Variants in ESRRA observed in about 807,000 individuals in gnomAD.
ESRRA encodes estrogen related receptor alpha.
ESRRA carries 7 observed loss-of-function variants against 35.6 expected under a neutral mutation model. That is an observed-to-expected ratio of 0.20 (90% CI 0.11 to 0.37). The LOEUF (loss-of-function observed/expected upper bound fraction) is 0.37. ESRRA is among the 10% of genes least tolerant of loss of function. The pLI is 1.00. For missense variants in ESRRA, 378 were observed against 561.7 expected (o/e 0.67, Z 3.31); for synonymous variants, 223 against 246.9 (o/e 0.90, Z 0.91).
rs1431361886 is a variant in ESRRA at position 64,314,333 on chromosome 11, G to A, written c.537G>A (p.Gly179=). 3 of 1,600,594 alleles carry A rather than the reference G, an allele frequency of 1.9e-6. No individual in the cohort carries two copies. The highest frequency in any genetic ancestry group is 2.6e-6 in the Non-Finnish European group (3 of 1,173,932). ...PLPFPGPFPA[G]PLAVAGGPRK... is the part of the protein sequence containing the mutation. ...CCTTCCCGGGCCCCTTCCCTGCTGG[G>A]CCCCTGGCAGTCGCTGGAGGCCCCC... is the stretch of plus-strand genomic sequence containing the variant. Residue 179 remains glycine (G), a synonymous_variant, in exon 4 of 7, where the codon GGG becomes GGA. Coordinates refer to ENST00000000442, the MANE Select transcript of ESRRA (RefSeq NM_004451.5).
chr11:64,315,977 G>T lies in ESRRA; in HGVS notation c.*11G>T. ...GCCATGATGGACTGAGGCAAGGGGT[G>T]GGACTGGTGGGGGTTCTGGCAGGAC... On this transcript the variant is annotated 3_prime_UTR_variant, in exon 7 of 7. Transcript: ENST00000000442. 1 of 1,549,198 alleles carries T rather than the reference G, an allele frequency of 6.5e-7. No individual in the cohort carries two copies. The highest frequency in any genetic ancestry group is 8.7e-7 in the Non-Finnish European group (1 of 1,143,186).
intron 2 of ESRRA, among the ~76,000 whole-genome samples, chr11:64,310,039 T>C (rs2135252750): frequency 6.6e-6 from 1 of 152,284 alleles, no homozygotes; most frequent in South Asian, 2.1e-4. Context: ...GTGTCAGTAC[T>C]GTTATAACTG....
Position 64,314,725 on chromosome 11 carries a change from C to T in ESRRA, c.572-16C>T, listed in dbSNP as rs2135260200. On this transcript the variant is annotated splice_polypyrimidine_tract_variant and intron_variant, in intron 4 of 6. Coordinates refer to ENST00000000442, the MANE Select transcript of ESRRA (RefSeq NM_004451.5). ...AGATTCGAGTGCTCCTGACTCTTGT[C>T]CTCTAATTGTCACAGCAGCCCCAGT... 2 of 1,606,754 alleles carry T rather than the reference C, an allele frequency of 1.2e-6. No homozygotes were observed. The highest frequency in any genetic ancestry group is 1.7e-6 in the Non-Finnish European group (2 of 1,176,864).
Position 64,307,395 on chromosome 11 carries a change from C to A in ESRRA, c.216C>A (p.Ser72Arg). ...AGGGCGGTGGGAAGCTGGTGCTCAG[C>A]TCCCTGCCCAAGCGCCTCTGCCTGG... ...GEQGGGKLVL[S>R]SLPKRLCLVC... is the part of the protein sequence containing the mutation. The change falls in exon 2 of 7, where the codon AGC becomes AGA. Residue 72 changes from serine to arginine, a missense_variant. Ser to Arg is a moderately radical substitution (Grantham distance 110). Coordinates refer to ENST00000000442, the MANE Select transcript of ESRRA (RefSeq NM_004451.5). The A allele has an allele frequency of 6.3e-7, 1 of 1,596,316 alleles. No individual in the cohort carries two copies. The highest frequency in any genetic ancestry group is 8.6e-7 in the Non-Finnish European group (1 of 1,168,702).
At chr11:64,310,191 C>T (rs1022754142) in intron 2 of ESRRA, among the ~76,000 whole-genome samples, 7 of 151,364 alleles carry the variant, frequency 4.6e-5, no homozygotes, top group South Asian at 2.1e-4. Flanking sequence ...CTAATAACAC[C>T]GAACTTTGGA....
Position 64,313,584 on chromosome 11 carries a change from A to G in ESRRA, c.326-367A>G, listed in dbSNP as rs1039178929. ...TGTTTCAGTGTTTCTAGGAGCAGGA[A>G]GTGATCAACAGCCTTAGATCCTCCT... On this transcript the variant is annotated intron_variant, in intron 2 of 6. Coordinates refer to ENST00000000442, the MANE Select transcript of ESRRA (RefSeq NM_004451.5). This position sits in a 1 kb window ranked among gnomAD's most constrained non-coding sequence, Gnocchi z 4.0. 6.6e-6 allele frequency among the ~76,000 whole-genome samples: 1 copy of G among 152,210 alleles called. No homozygotes were observed. Among genetic ancestry groups the G allele is most frequent in the African/African-American group, 2.4e-5 (1 of 41,446 alleles).
intron 2 of ESRRA, among the ~76,000 whole-genome samples, chr11:64,310,500 C>T (rs1428347139): frequency 1.4e-5 from 2 of 145,696 alleles, no homozygotes; most frequent in African/African-American, 2.5e-5. Context: ...TCCCAAAGTG[C>T]TGGGATTACA....
intron 4 of ESRRA, 152 bp from the exon 5 acceptor site, chr11:64,314,589 C>T (rs1591245109): frequency 2.1e-6 from 2 of 930,998 alleles, no homozygotes; most frequent in East Asian, 2.7e-5. Flanking sequence ...ACGGGCTTTC[C>T]CTGGGAGACA....
chr11:64,307,298 G>C lies in ESRRA; in HGVS notation c.119G>C (p.Gly40Ala). Residue 40 changes from glycine to alanine, a missense_variant, in exon 2 of 7, where the codon GGT becomes GCT. By Grantham distance (60) the Gly-to-Ala change is moderately conservative. Coordinates refer to ENST00000000442, the MANE Select transcript of ESRRA (RefSeq NM_004451.5). ...GAGCCTCCTGTGGCCCTGGCCCCTG[G>C]TCCAGCTCCCACTCGCTGCCTCCCA... ...ETEPPVALAP[G>A]PAPTRCLPGH... 2 of 1,613,354 alleles carry C rather than the reference G, an allele frequency of 1.2e-6. No individual in the cohort carries two copies. The highest frequency in any genetic ancestry group is 8.5e-7 in the Non-Finnish European group (1 of 1,179,872).
At chr11:64,310,075 T>C (rs1004217296) in intron 2 of ESRRA, among the ~76,000 whole-genome samples, 7 of 152,164 alleles carry the variant, frequency 4.6e-5, no homozygotes, top group African/African-American at 1.2e-4. Context: ...TTTGAAACTT[T>C]GTTGAAGTCT....
intron 2 of ESRRA, 57 bp downstream of exon 2, chr11:64,307,561 G>A: frequency 7.6e-7 from 1 of 1,317,818 alleles, no homozygotes; most frequent in Non-Finnish European, 1.0e-6. Context: ...GTACACTGCT[G>A]GGTGCAATAG....
chr11:64,307,292 C>G lies in ESRRA; in HGVS notation c.113C>G (p.Ala38Gly). The stretch of plus-strand genomic sequence containing the variant: ...GAGACCGAGCCTCCTGTGGCCCTGG[C>G]CCCTGGTCCAGCTCCCACTCGCTGC... ...ETETEPPVAL[A>G]PGPAPTRCLP... Residue 38 changes from alanine (A) to glycine (G), a missense_variant, in exon 2 of 7, where the codon GCC becomes GGC. By Grantham distance (60) the Ala-to-Gly change is moderately conservative (BLOSUM62 0). Transcript: ENST00000000442. 6.2e-7 allele frequency: 1 copy of G among 1,613,386 alleles called. No individual in the cohort carries two copies. Among genetic ancestry groups the G allele is most frequent in the Non-Finnish European group, 8.5e-7 (1 of 1,179,868 alleles).
chr11:64,314,817 A>C lies in ESRRA; in HGVS notation c.648A>C (p.Ala216=). ...PEKLYAMPDP[A]GPDGHLPAVA... is the part of the protein sequence containing the mutation. ...AGCTCTATGCCATGCCTGACCCCGC[A>C]GGCCCTGATGGGCACCTCCCAGCCG... Residue 216 remains alanine (A), a synonymous_variant, in exon 5 of 7, where the codon GCA becomes GCC. Coordinates refer to ENST00000000442, the MANE Select transcript of ESRRA (RefSeq NM_004451.5). The C allele has an allele frequency of 6.2e-7, 1 of 1,612,496 alleles. No individual in the cohort carries two copies. Among genetic ancestry groups the C allele is most frequent in the Non-Finnish European group, 8.5e-7 (1 of 1,180,024 alleles).
intron 6 of ESRRA, 63 bp from the exon 7 acceptor site, chr11:64,315,644 G>A (rs1309008244): frequency 5.7e-6 from 9 of 1,591,704 alleles, no homozygotes; most frequent in Middle Eastern, 1.7e-4. Flanking sequence ...CAGTGCTCAA[G>A]ATACGGGGAG....
chr11:64,316,090 C>T lies in ESRRA; in HGVS notation c.*124C>T, dbSNP rs1591247751. On this transcript the variant is annotated 3_prime_UTR_variant, in exon 7 of 7. Coordinates refer to ENST00000000442, the MANE Select transcript of ESRRA (RefSeq NM_004451.5). ...CCTGCTGGCAGGGCCAGGGCAATGCCATCAGCCCCTGGGAACAGGCCCCAC... is the reference window on the plus strand; with the variant it reads ...CCTGCTGGCAGGGCCAGGGCAATGCTATCAGCCCCTGGGAACAGGCCCCAC... 1.7e-6 allele frequency: 2 copies of T among 1,199,028 alleles called. No individual in the cohort carries two copies. The highest frequency in any genetic ancestry group is 2.3e-6 in the Non-Finnish European group (2 of 857,416). 74.3% of individuals were successfully genotyped at this position (1,199,028 alleles called of 1,614,324 possible).
chr11:64,309,275 A>C (rs928444518), intron 2 of ESRRA, among the ~76,000 whole-genome samples: 3 of 151,832 alleles, frequency 2.0e-5, no homozygotes, highest in African/African-American at 4.8e-5. Context: ...TCTACTAAAA[A>C]TACAAAAATT....
rs1309034661 is a variant in ESRRA, at chr11:64,314,784, G to A, written c.615G>A (p.Glu205=). ...TGGTGTCTCATCTGCTGGTGGTTGAGCCTGAGAAGCTCTATGCCATGCCTG... is the reference window on the plus strand; with the variant it reads ...TGGTGTCTCATCTGCTGGTGGTTGAACCTGAGAAGCTCTATGCCATGCCTG... The part of the protein sequence containing the change: ...NALVSHLLVV[E]PEKLYAMPDP... The change falls in exon 5 of 7, where the codon GAG becomes GAA. Residue 205 remains glutamate (E), a synonymous_variant. Transcript: ENST00000000442. The A allele has an allele frequency of 6.2e-7, 1 of 1,612,142 alleles. No individual in the cohort carries two copies. The highest frequency in any genetic ancestry group is 8.5e-7 in the Non-Finnish European group (1 of 1,180,020).
chr11:64,314,288 G>A lies in ESRRA; in HGVS notation c.492G>A (p.Arg164=), dbSNP rs1351544524. The A allele has an allele frequency of 6.2e-7, 1 of 1,611,630 alleles. No homozygotes were observed. Among genetic ancestry groups the A allele is most frequent in the African/African-American group, 1.3e-5 (1 of 74,892 alleles). ...VRGGRQKYKR[R]PEVDPLPFPG... is the part of the protein sequence containing the mutation. The stretch of plus-strand genomic sequence containing the variant: ...GTGGGCGGCAGAAGTACAAGCGGCG[G>A]CCGGAGGTGGACCCACTGCCCTTCC... Residue 164 remains arginine (R), a synonymous_variant, in exon 4 of 7, where the codon CGG becomes CGA. Coordinates refer to ENST00000000442, the MANE Select transcript of ESRRA (RefSeq NM_004451.5).
At position 64,314,770 on chromosome 11, in the gene ESRRA, C is replaced by T. The variant is rs2035208010; in HGVS notation, c.601C>T (p.Leu201=). 1 of 1,612,042 alleles carries T rather than the reference C, an allele frequency of 6.2e-7. No individual in the cohort carries two copies. The highest frequency in any genetic ancestry group is 1.7e-5 in the Admixed American group (1 of 59,988). ...AAPVNALVSH[L]LVVEPEKLYA... is the part of the protein sequence containing the mutation. Reference sequence around the variant, plus strand: ...CCCAGTGAATGCACTGGTGTCTCATCTGCTGGTGGTTGAGCCTGAGAAGCT... The same window carrying T: ...CCCAGTGAATGCACTGGTGTCTCATTTGCTGGTGGTTGAGCCTGAGAAGCT... Residue 201 remains leucine (L), a synonymous_variant, in exon 5 of 7, where the codon CTG becomes TTG. Coordinates refer to ENST00000000442, the MANE Select transcript of ESRRA (RefSeq NM_004451.5).
Sources: gnomAD v4.1 joint callset for allele counts (sites outside exome capture counted in the v4.1 genomes callset) on GRCh38, gnomAD v4.1.1 for gene constraint, Gnocchi (gnomAD v3.1) non-coding constraint, MANE v1.5 for transcripts, NCBI Gene and HGNC (gene_info 2026-07-23, HGNC 2026-07-21) for gene names.